The following HAUS6 variants were observed in gnomAD, a reference collection of about 807,000 sequenced individuals.
HAUS6 encodes HAUS augmin-like complex subunit 6.
Under a neutral mutation model 106.8 loss-of-function variants are expected in HAUS6, and 80 were observed. The ratio of observed to expected loss-of-function variants is 0.75; its 90% CI spans 0.63 to 0.90. The LOEUF (loss-of-function observed/expected upper bound fraction) is 0.90, where lower values mean the gene tolerates loss of function less well. Ranked by LOEUF, HAUS6 falls within the 40% of genes least tolerant of loss-of-function variation. HAUS6 has a pLI of 0.00. For synonymous variants in HAUS6, 356 were observed against 379.1 expected, an observed-to-expected ratio of 0.94 and a Z score of 0.71; for missense variants, 1,155 against 1,118.1, an observed-to-expected ratio of 1.03 and a Z score of -0.47.
intron 14 of HAUS6, among the ~76,000 whole-genome samples, chr9:19,060,636 C>T (rs1836591798): frequency 6.6e-6 from 1 of 152,166 alleles, no homozygotes; most frequent in Non-Finnish European, 1.5e-5. Context: ...TGGACAGTGA[C>T]ATCTCTATTA....
At chr9:19,065,391 A>C (rs1181650572) in intron 12 of HAUS6, among the ~76,000 whole-genome samples, 1 of 152,216 alleles carries the variant, frequency 6.6e-6, no homozygotes, top group Non-Finnish European at 1.5e-5. Flanking sequence ...AGAGGAACAC[A>C]CTTTTTATAG....
chr9:19,098,341 G>A (rs1817906500), intron 1 of HAUS6, among the ~76,000 whole-genome samples: 1 of 151,776 alleles, frequency 6.6e-6, no homozygotes, highest in Admixed American at 6.6e-5. Context: ...AGGAGGCTGA[G>A]GCAGGAGAAT....
chr9:19,096,589 A>C, intron 2 of HAUS6, 85 bp downstream of exon 2: 3 of 500,046 alleles, frequency 6.0e-6, no homozygotes, highest in East Asian at 4.2e-5. Flanking sequence ...AAAAAAAAAA[A>C]GGAGAGAATT....
At chr9:19,077,074 C>A (rs1054049934) in intron 10 of HAUS6, among the ~76,000 whole-genome samples, 12 of 152,090 alleles carry the variant, frequency 7.9e-5, no homozygotes, top group African/African-American at 2.9e-4. Flanking sequence ...CAATTCCTGG[C>A]CTCAAATGAT....
At chr9:19,090,525 C>T (rs867925104) in intron 4 of HAUS6, among the ~76,000 whole-genome samples, 10 of 152,114 alleles carry the variant, frequency 6.6e-5, no homozygotes, top group African/African-American at 9.7e-5. Context: ...CCACCACGCC[C>T]GGCTAATTTT....
At chr9:19,082,471 G>A (rs530965123) in intron 8 of HAUS6, among the ~76,000 whole-genome samples, 20 of 152,166 alleles carry the variant, frequency 1.3e-4, no homozygotes, top group African/African-American at 3.1e-4. Context: ...AATTCTGGCC[G>A]GGTGCGGTGG....
In HAUS6 at chr9:19,054,188, G is replaced by A. The variant is rs1259164580; in HGVS notation, c.*2155C>T. ...TATATCAAGACCTCTAAAGACCCAT[G>A]CTCACTGAAGCATTTCAGTAAAAAA... On this transcript the variant is annotated 3_prime_UTR_variant, in exon 17 of 17. Coordinates refer to ENST00000380502, the MANE Select transcript of HAUS6 (RefSeq NM_017645.5). 6.6e-5 allele frequency: 10 copies of A among 152,168 alleles called. No homozygotes were observed. Among genetic ancestry groups the A allele is most frequent in the Admixed American group, 5.9e-4 (9 of 15,270 alleles). The allele number at this position is 152,168 out of a possible 1,614,324, so 9.4% of individuals were successfully genotyped here.
At chr9:19,062,450 A>T (rs943241760) in intron 14 of HAUS6, among the ~76,000 whole-genome samples, 5 of 152,246 alleles carry the variant, frequency 3.3e-5, no homozygotes, top group African/African-American at 1.2e-4. Flanking sequence ...ACTTTCAGGT[A>T]ATGTTTAAAG....
chr9:19,057,789 C>A, intron 16 of HAUS6, 172 bp downstream of exon 16: 2 of 531,268 alleles, frequency 3.8e-6, no homozygotes, highest in Non-Finnish European at 6.6e-6. Context: ...TATACATAAA[C>A]AGAGATTCTG....
intron 9 of HAUS6, 52 bp downstream of exon 9, chr9:19,080,427 A>C: frequency 8.0e-7 from 1 of 1,246,076 alleles, no homozygotes; most frequent in Non-Finnish European, 1.2e-6. Context: ...AGTTTTGTTG[A>C]GAAAACCACC....
chr9:19,073,793 C>T (rs573734581), intron 11 of HAUS6: 34 of 152,244 alleles, frequency 2.2e-4, no homozygotes, highest in African/African-American at 5.3e-4. Flanking sequence ...GAAGCTCCCC[C>T]TCATTTATCA....
rs374462712 is a variant in HAUS6 at position 19,053,382 on chromosome 9, T to C, written c.*2961A>G. The C allele has an allele frequency of 2.6e-5, 4 of 152,188 alleles. No individual in the cohort carries two copies. Among genetic ancestry groups the C allele is most frequent in the African/African-American group, 9.6e-5 (4 of 41,460 alleles). The allele number at this position is 152,188 out of a possible 1,614,324, so 9.4% of individuals were successfully genotyped here. A position where few individuals can be genotyped will look rare whatever the true frequency, so the allele number is the denominator to read the frequency against. ...TTTTAGTACTCTCACAGTAGGAAGA[T>C]AATAGTCTGCTTTTACACAGGTCTC... On this transcript the variant is annotated 3_prime_UTR_variant, in exon 17 of 17. Transcript: ENST00000380502.
chr9:19,076,177 T>C (rs1836999800), intron 11 of HAUS6, among the ~76,000 whole-genome samples: 1 of 148,694 alleles, frequency 6.7e-6, no homozygotes. Context: ...CCGGGCAACA[T>C]GGTGAAATCC....
At position 19,082,801 on chromosome 9, in the gene HAUS6, G is replaced by T. The variant is rs902804578; in HGVS notation, c.870+72C>A. On this transcript the variant is annotated intron_variant, in intron 8 of 16. Coordinates refer to ENST00000380502, the MANE Select transcript of HAUS6 (RefSeq NM_017645.5). ...CAAAAAACAAATTCTGAAAGCAGAA[G>T]AACATTGCAAGAAAATATACAATTA... 6.4e-6 allele frequency: 5 copies of T among 775,326 alleles called. No individual in the cohort carries two copies. The African/African-American group carries it at 7.2e-5, about 11-fold the overall frequency. 48.0% of individuals were successfully genotyped at this position (775,326 alleles called of 1,614,324 possible).
At chr9:19,075,032 A>C (rs1355361895) in intron 11 of HAUS6, among the ~76,000 whole-genome samples, 1 of 152,248 alleles carries the variant, frequency 6.6e-6, no homozygotes, top group African/African-American at 2.4e-5. Context: ...GTGGTAGAGG[A>C]TACAATGGCA....
intron 1 of HAUS6, among the ~76,000 whole-genome samples, chr9:19,098,411 C>A (rs1192260801): frequency 1.4e-5 from 2 of 143,560 alleles, no homozygotes; most frequent in Non-Finnish European, 3.0e-5. Flanking sequence ...GCACTCCAGC[C>A]TGGCAAAAGA....
intron 1 of HAUS6, among the ~76,000 whole-genome samples, chr9:19,097,948 A>C (rs1817898143): frequency 2.0e-5 from 3 of 152,202 alleles, no homozygotes; most frequent in Admixed American, 1.3e-4. Flanking sequence ...TCCTATGCCT[A>C]TCCATTTGTC....
intron 12 of HAUS6, among the ~76,000 whole-genome samples, chr9:19,068,646 T>C (rs1836818775): frequency 6.6e-6 from 1 of 152,096 alleles, no homozygotes; most frequent in Admixed American, 6.5e-5. Flanking sequence ...AAGTATTTTA[T>C]TTTCATCTGT....
At chr9:19,081,425 C>T (rs1398327464) in intron 8 of HAUS6, among the ~76,000 whole-genome samples, 1 of 151,720 alleles carries the variant, frequency 6.6e-6, no homozygotes, top group African/African-American at 2.4e-5. Context: ...AATTAGTTGC[C>T]AATTTTTTAA....
Sources: gnomAD v4.1 joint callset for allele counts (sites outside exome capture counted in the v4.1 genomes callset) on GRCh38, gnomAD v4.1.1 for gene constraint, MANE v1.5 for transcripts, NCBI Gene and HGNC (gene_info 2026-07-23, HGNC 2026-07-21) for gene names.